NXPE2: variants seen among roughly 807,000 people sequenced by gnomAD.
The protein encoded by NXPE2 is neurexophilin and PC-esterase domain family member 2.
Under a neutral mutation model 34.4 loss-of-function variants are expected in NXPE2, and 34 were observed. The observed-to-expected ratio is 0.99, with a 90% CI of 0.75 to 1.31. The LOEUF (loss-of-function observed/expected upper bound fraction) is 1.31, where lower values mean the gene tolerates loss of function less well. Among genes scored for constraint, NXPE2 ranks in the 40% most tolerant of loss-of-function variants. The pLI is 0.00. For synonymous variants in NXPE2, 235 were observed against 231.3 expected, an observed-to-expected ratio of 1.02 and a Z score of -0.15; for missense variants, 649 against 672.5, an observed-to-expected ratio of 0.97 and a Z score of 0.39.
chr11:114,780,637 T>C, the NXPE2 span, among the ~76,000 whole-genome samples: 4 of 152,286 alleles, frequency 2.6e-5, no homozygotes, highest in African/African-American at 9.6e-5. Context: ...AGAAGGTGGT[T>C]GCATCCTGTA....
At chr11:114,691,303 G>T (rs985126156) in intron 2 of NXPE2, among the ~76,000 whole-genome samples, 1 of 151,838 alleles carries the variant, frequency 6.6e-6, no homozygotes, top group Admixed American at 6.6e-5. Flanking sequence ...TGTATGTTGT[G>T]TATGATCAAT....
chr11:114,518,867 T>A, the NXPE2 span, among the ~76,000 whole-genome samples: 1 of 151,896 alleles, frequency 6.6e-6, no homozygotes, highest in Non-Finnish European at 1.5e-5. Context: ...TACTGTGAAA[T>A]TTTGAACATT....
At chr11:114,725,349 T>C in the NXPE2 span, among the ~76,000 whole-genome samples, 1 of 152,250 alleles carries the variant, frequency 6.6e-6, no homozygotes, top group Middle Eastern at 3.4e-3. Flanking sequence ...CATACTCCAT[T>C]GCCTTTGACC....
chr11:114,771,109 T>C, the NXPE2 span, among the ~76,000 whole-genome samples: 7 of 152,018 alleles, frequency 4.6e-5, no homozygotes, highest in African/African-American at 1.7e-4. Context: ...ATGTTCTCCT[T>C]TCCTATCAAG....
the NXPE2 span, among the ~76,000 whole-genome samples, chr11:114,540,861 TTTTTTTTTTTTTTTTTTTTTTTTTG>T: frequency 1.5e-4 from 10 of 67,272 alleles, no homozygotes; most frequent in African/African-American, 1.2e-3. Flanking sequence ...TTTTTTTTTT[TTTTTTTTTTTTTTTTTTTTTTTTTG>T]GCTTGAACAA....
chr11:114,498,984 A>G, the NXPE2 span, among the ~76,000 whole-genome samples: 9 of 152,264 alleles, frequency 5.9e-5, no homozygotes, highest in South Asian at 1.9e-3. Flanking sequence ...TGAAGCTTCA[A>G]TAGGACTCAC....
chr11:114,475,879 T>G, the NXPE2 span, among the ~76,000 whole-genome samples: 1 of 152,200 alleles, frequency 6.6e-6, no homozygotes, highest in Non-Finnish European at 1.5e-5. Flanking sequence ...ACTACACACT[T>G]GGCCATCTCT....
the NXPE2 span, among the ~76,000 whole-genome samples, chr11:114,508,122 C>T: frequency 6.6e-6 from 1 of 152,144 alleles, no homozygotes; most frequent in Admixed American, 6.5e-5. Flanking sequence ...AGAGCCAAAA[C>T]AGGTACAAAC....
chr11:114,782,491 T>A, the NXPE2 span, among the ~76,000 whole-genome samples: 2 of 152,242 alleles, frequency 1.3e-5, no homozygotes, highest in Non-Finnish European at 2.9e-5. Context: ...AACCATTTTG[T>A]GCCTTATGCT....
the NXPE2 span, among the ~76,000 whole-genome samples, chr11:114,747,722 C>A: frequency 6.6e-6 from 1 of 152,154 alleles, no homozygotes; most frequent in Non-Finnish European, 1.5e-5. Flanking sequence ...TCACCTGCCA[C>A]CAGGTCCTTC....
the NXPE2 span, among the ~76,000 whole-genome samples, chr11:114,756,627 T>A: frequency 1.3e-5 from 2 of 152,174 alleles, 1 homozygote; most frequent in Admixed American, 1.3e-4. Context: ...TTCTGAAATG[T>A]TTATTTTGTA....
chr11:114,571,098 C>A, the NXPE2 span: 1 of 1,613,930 alleles, frequency 6.2e-7, no homozygotes, highest in East Asian at 2.2e-5. Context: ...TTGAATGTAA[C>A]CATGAAAGTC....
the NXPE2 span, among the ~76,000 whole-genome samples, chr11:114,781,065 T>C: frequency 1.3e-5 from 2 of 152,204 alleles, no homozygotes; most frequent in African/African-American, 4.8e-5. Context: ...GGATTAGTAC[T>C]ATATTTTAGA....
At chr11:114,472,107 G>T in the NXPE2 span, among the ~76,000 whole-genome samples, 192 of 152,156 alleles carry the variant, frequency 1.3e-3, no homozygotes, top group Non-Finnish European at 2.4e-3. Flanking sequence ...CTAGCCCCAT[G>T]GCTACCTCTA....
At chr11:114,805,809 G>A in the NXPE2 span, among the ~76,000 whole-genome samples, 10 of 152,248 alleles carry the variant, frequency 6.6e-5, no homozygotes, top group African/African-American at 2.4e-4. Flanking sequence ...AACCTCTGCA[G>A]ACTTAAATGT....
the NXPE2 span, among the ~76,000 whole-genome samples, chr11:114,599,015 C>T: frequency 6.6e-6 from 1 of 152,168 alleles, no homozygotes. Flanking sequence ...GCAAATTTTC[C>T]AAACTTTTAT....
At chr11:114,527,820 T>G in the NXPE2 span, 11 of 1,585,916 alleles carry the variant, frequency 6.9e-6, no homozygotes, top group Non-Finnish European at 8.6e-6. Context: ...ATCACCTAAC[T>G]CAGGACAGAG....
At chr11:114,602,937 C>T in the NXPE2 span, among the ~76,000 whole-genome samples, 3 of 148,658 alleles carry the variant, frequency 2.0e-5, no homozygotes, top group South Asian at 2.1e-4. Flanking sequence ...TATATAATTA[C>T]AGAATCATAA....
chr11:114,812,218 G>A, the NXPE2 span, among the ~76,000 whole-genome samples: 2 of 152,172 alleles, frequency 1.3e-5, no homozygotes, highest in African/African-American at 4.8e-5. Flanking sequence ...CCCCAGCTGA[G>A]GACAAAGGGG....
Sources: allele counts gnomAD v4.1 joint callset (sites outside exome capture counted in the v4.1 genomes callset), GRCh38; gene constraint gnomAD v4.1.1; transcripts MANE v1.5; gene names NCBI Gene and HGNC (gene_info 2026-07-23, HGNC 2026-07-21).